TBC1D3B: variants seen among roughly 807,000 people sequenced by gnomAD.
TBC1D3B encodes TBC1 domain family member 3B, also known as Rab GTPase-activating protein PRC17 duplicate.
Under a neutral mutation model 27.1 loss-of-function variants are expected in TBC1D3B, and 2 were observed. That is an observed-to-expected ratio of 0.07 (90% CI 0.03 to 0.23). The LOEUF is 0.23. TBC1D3B is among the 10% of genes least tolerant of loss of function. TBC1D3B has a pLI of 1.00. For synonymous variants in TBC1D3B, 3 were observed against 150.1 expected, an observed-to-expected ratio of 0.02 and a Z score of 7.16; for missense variants, 17 against 401.3, an observed-to-expected ratio of 0.04 and a Z score of 8.18.
At chr17:36,168,520 C>G in intron 11 of TBC1D3B, 110 bp downstream of exon 11, 1 of 338,854 alleles carries the variant, frequency 3.0e-6, no homozygotes, top group South Asian at 2.6e-5. Flanking sequence ...CTTTGGGGAC[C>G]CGCCTGAGCC....
At chr17:36,167,173 T>G (rs2142162340) in intron 13 of TBC1D3B, among the ~76,000 whole-genome samples, 1 of 96,992 alleles carries the variant, frequency 1.0e-5, no homozygotes, top group African/African-American at 2.7e-5. Flanking sequence ...GTGAGGGGCC[T>G]CTGCTGCTCT....
chr17:36,172,806 CT>C (rs2068390184), intron 5 of TBC1D3B, 38 bp downstream of exon 5: 8 of 368,174 alleles, frequency 2.2e-5, no homozygotes, highest in Middle Eastern at 6.8e-4. Context: ...TGCCTGTCCC[CT>C]GTCTCTGCAG....
At chr17:36,167,133 G>C (rs1225899438) in intron 13 of TBC1D3B, among the ~76,000 whole-genome samples, 6,870 of 104,406 alleles carry the variant, frequency 0.066, 274 homozygotes, top group African/African-American at 0.17. Flanking sequence ...CAGGCTTCTT[G>C]TCCTGGCAAC....
intron 13 of TBC1D3B, among the ~76,000 whole-genome samples, chr17:36,167,007 C>A (rs2068265539): frequency 1.1e-5 from 1 of 94,828 alleles, no homozygotes; most frequent in African/African-American, 2.7e-5. Flanking sequence ...CCAGGACTGA[C>A]CGTTCCCACT....
At chr17:36,172,462 C>CTCTGGT in intron 5 of TBC1D3B, 61 bp from the exon 6 acceptor site, 1 of 1,176,322 alleles carries the variant, frequency 8.5e-7, no homozygotes, top group Non-Finnish European at 1.2e-6. Context: ...AGGACCAGAG[C>CTCTGGT]CCGGGGATTC....
chr17:36,165,897 T>C lies in TBC1D3B; in HGVS notation c.*98A>G, dbSNP rs1472615495. The C allele has an allele frequency of 1.8e-4, 180 of 977,348 alleles. 15 individuals carry two copies. The Middle Eastern group carries it at 3.1e-3, about 17-fold the overall frequency. The allele number at this position is 977,348 out of a possible 1,614,324, so 60.5% of individuals were successfully genotyped here. ...AAGCTGCACTCTTTCTTAATACATA[T>C]TCATAAGTTTAACCAAAAATAAAAC... On this transcript the variant is annotated 3_prime_UTR_variant, in exon 14 of 14. Transcript: ENST00000611257.
rs1386481045 is a variant in TBC1D3B at position 36,170,829 on chromosome 17, C to G, written c.498-226G>C. Among the ~76,000 whole-genome samples, 18 of 88,204 alleles carry G rather than the reference C, an allele frequency of 2.0e-4. No homozygotes were observed. The East Asian group carries it at 3.7e-3, about 18-fold the overall frequency. 57.9% of individuals were successfully genotyped at this position (88,204 alleles called of 152,430 possible). On this transcript the variant is annotated intron_variant, in intron 7 of 13. Coordinates refer to ENST00000611257, the MANE Select transcript of TBC1D3B (RefSeq NM_001001417.7). ...AGTGACTTGCCTGATCCTTTTCACT[C>G]TGAATGATTTTTTTTTTTTTTCAGT...
At chr17:36,172,752 G>GC in intron 5 of TBC1D3B, 93 bp downstream of exon 5, 3 of 312,920 alleles carry the variant, frequency 9.6e-6, no homozygotes, top group Non-Finnish European at 2.2e-5. Flanking sequence ...ACAGTGTGCC[G>GC]CCCACCCTCT....
intron 7 of TBC1D3B, among the ~76,000 whole-genome samples, chr17:36,171,490 G>A (rs1273221934): frequency 1.8e-3 from 278 of 151,132 alleles, no homozygotes; most frequent in Non-Finnish European, 3.4e-3. Context: ...AATTCTCCCA[G>A]CATTTGGTGC....
intron 1 of TBC1D3B, among the ~76,000 whole-genome samples, chr17:36,175,850 G>A (rs1418087517): frequency 9.1e-4 from 114 of 125,218 alleles, no homozygotes; most frequent in African/African-American, 3.6e-3. Context: ...AAATACCTGG[G>A]GAGAACCCTA....
At chr17:36,170,925 C>T (rs1416954167) in intron 7 of TBC1D3B, among the ~76,000 whole-genome samples, 128 of 85,372 alleles carry the variant, frequency 1.5e-3, no homozygotes, top group African/African-American at 3.4e-3. Context: ...GCAGAGTCTC[C>T]CGGCCACCGC....
Position 36,168,262 on chromosome 17 carries a change from G to T in TBC1D3B, c.829-96C>A, listed in dbSNP as rs2068291475. The T allele has an allele frequency of 1.1e-5, 4 of 366,180 alleles. 1 individual carries two copies. The highest frequency in any genetic ancestry group is 1.1e-4 in the Admixed American group (4 of 36,718). The allele number at this position is 366,180 out of a possible 1,614,324, so 22.7% of individuals were successfully genotyped here. On this transcript the variant is annotated intron_variant, in intron 11 of 13. Coordinates refer to ENST00000611257, the MANE Select transcript of TBC1D3B (RefSeq NM_001001417.7). ...TGGGGCTTCAGTCTCCAGAGTCAGT[G>T]ACCTTCCCCATGAGGGTCGGCTGAG...
chr17:36,170,721 A>C (rs1439375016), intron 7 of TBC1D3B, 118 bp from the exon 8 acceptor site: 1 of 161,360 alleles, frequency 6.2e-6, no homozygotes, highest in African/African-American at 2.7e-5. Context: ...CCAGATAAGC[A>C]GTGAGCTCTT....
intron 13 of TBC1D3B, among the ~76,000 whole-genome samples, chr17:36,167,063 G>C (rs2068266893): frequency 9.4e-6 from 1 of 106,630 alleles, no homozygotes; most frequent in African/African-American, 2.5e-5. Flanking sequence ...GGTCCCGCCT[G>C]TGCCCTCTCC....
intron 3 of TBC1D3B, 27 bp downstream of exon 3, chr17:36,174,704 G>C: frequency 9.8e-6 from 2 of 204,490 alleles, no homozygotes; most frequent in South Asian, 8.0e-5. Context: ...AGGTGCTTTA[G>C]GGGTGAGGGG....
At chr17:36,167,929 C>A (rs2068285769) in intron 12 of TBC1D3B, 138 bp downstream of exon 12, 1 of 1,198,076 alleles carries the variant, frequency 8.3e-7, no homozygotes, top group African/African-American at 1.4e-5. Context: ...GTCACAGTGT[C>A]CTGCCCAGCC....
At position 36,165,766 on chromosome 17, in the gene TBC1D3B, G is replaced by A. The variant is rs1166086208; in HGVS notation, c.*229C>T. 143 of 933,476 alleles carry A rather than the reference G, an allele frequency of 1.5e-4. No individual in the cohort carries two copies. In the South Asian group the frequency reaches 1.6e-3, roughly 10 times the overall value. The allele number at this position is 933,476 out of a possible 1,614,324, so 57.8% of individuals were successfully genotyped here. ...AGTACAAAGGCAGGCTCACGGTGTC[G>A]TCAGAATTCAGAACGATGGTCGTGG... On this transcript the variant is annotated 3_prime_UTR_variant, in exon 14 of 14. Coordinates refer to ENST00000611257, the MANE Select transcript of TBC1D3B (RefSeq NM_001001417.7).
At chr17:36,175,089 G>A (rs1410414861) in intron 1 of TBC1D3B, 38 bp from the exon 2 acceptor site, 10 of 767,734 alleles carry the variant, frequency 1.3e-5, no homozygotes, top group Admixed American at 1.1e-4. Flanking sequence ...CACTGTACGC[G>A]GCGGCTTCGG....
chr17:36,170,865 G>A lies in TBC1D3B; in HGVS notation c.498-262C>T, dbSNP rs1437132992. ...TTTTTTTTTTTCAGTTTGCACACAC[G>A]CCAGTTCAGTCTGTGGGTGTACAGT... On this transcript the variant is annotated intron_variant, in intron 7 of 13. Coordinates refer to ENST00000611257, the MANE Select transcript of TBC1D3B (RefSeq NM_001001417.7). 5.4e-4 allele frequency among the ~76,000 whole-genome samples: 50 copies of A among 91,980 alleles called. 1 individual carries two copies. Among genetic ancestry groups the A allele is most frequent in the Non-Finnish European group, 1.5e-3 (41 of 27,634 alleles). 60.3% of individuals were successfully genotyped at this position (91,980 alleles called of 152,430 possible). A position where few individuals can be genotyped will look rare whatever the true frequency, so the allele number is the denominator to read the frequency against.
Sources: gnomAD v4.1 joint callset for allele counts (sites outside exome capture counted in the v4.1 genomes callset) on GRCh38, gnomAD v4.1.1 for gene constraint, MANE v1.5 for transcripts, NCBI Gene and HGNC (gene_info 2026-07-23, HGNC 2026-07-21) for gene names.